SDK1: variants seen among roughly 807,000 people sequenced by gnomAD.
The protein encoded by SDK1 is protein sidekick-1.
A neutral mutation model predicts 245.5 loss-of-function variants in SDK1; 157 were observed. The ratio of observed to expected loss-of-function variants is 0.64; its 90% CI spans 0.56 to 0.73. The LOEUF is 0.73. SDK1 is among the 30% of genes least tolerant of loss of function. The pLI is 0.00. For synonymous variants in SDK1, 1,647 were observed against 1,278.5 expected, an observed-to-expected ratio of 1.29 and a Z score of -6.15; for missense variants, 3,583 against 3,002.3, an observed-to-expected ratio of 1.19 and a Z score of -4.52.
chr7:3,302,070 C>T (rs569861635), intron 1 of SDK1, among the ~76,000 whole-genome samples, 186 bp downstream of exon 1: 40 of 152,024 alleles, frequency 2.6e-4, no homozygotes, highest in African/African-American at 8.4e-4. Flanking sequence ...AACGGAGCCC[C>T]GTAGAGCCTG....
chr7:3,488,904 C>CAT (rs145829568), intron 1 of SDK1, among the ~76,000 whole-genome samples: 6 of 147,118 alleles, frequency 4.1e-5, no homozygotes, highest in Admixed American at 6.8e-5. Flanking sequence ...TTCCTCCCTC[C>CAT]GTGTGTGTGT....
intron 4 of SDK1, among the ~76,000 whole-genome samples, chr7:3,753,521 G>C (rs781710948): frequency 6.6e-6 from 1 of 152,210 alleles, no homozygotes; most frequent in Non-Finnish European, 1.5e-5. Flanking sequence ...CACTCAGCCA[G>C]GTTGCAGTCA....
At position 3,474,104 on chromosome 7, in the gene SDK1, TTTTTTTTTTTTTTTTTTTG is replaced by T. The variant is rs1267342933; in HGVS notation, c.299-144975_299-144957del. ...CTACCAGATGGTGTTTTTTTTTTTTTTTTTTTTTTTTTTTTTTTGAGACCGTGTCTCTCTGTTGCCCAGG... is the reference window on the plus strand; with the variant it reads ...CTACCAGATGGTGTTTTTTTTTTTTTAGACCGTGTCTCTCTGTTGCCCAGG... On this transcript the variant is annotated intron_variant, in intron 1 of 44. Coordinates refer to ENST00000404826, the MANE Select transcript of SDK1 (RefSeq NM_152744.4). Among the ~76,000 whole-genome samples the T allele has an allele frequency of 1.1e-4, 14 of 131,844 alleles. No homozygotes were observed. In the East Asian group the frequency reaches 2.6e-3, roughly 25 times the overall value. The allele number at this position is 131,844 out of a possible 152,430, so 86.5% of individuals were successfully genotyped here.
At chr7:3,989,244 A>G (rs1235226171) in intron 14 of SDK1, among the ~76,000 whole-genome samples, 1 of 152,200 alleles carries the variant, frequency 6.6e-6, no homozygotes, top group Non-Finnish European at 1.5e-5. Flanking sequence ...GGTGAAAGTC[A>G]TGTCTCACAT....
chr7:3,907,058 C>T (rs1439829330), intron 5 of SDK1, among the ~76,000 whole-genome samples: 1 of 152,148 alleles, frequency 6.6e-6, no homozygotes, highest in Non-Finnish European at 1.5e-5. Context: ...GGAATAGGGT[C>T]TGAGCCAGTG....
chr7:3,897,532 CCTT>C (rs1781643913), intron 5 of SDK1, among the ~76,000 whole-genome samples: 1 of 152,134 alleles, frequency 6.6e-6, no homozygotes, highest in African/African-American at 2.4e-5. Flanking sequence ...GTTGGAATTT[CCTT>C]CTTTTTTAAG....
chr7:3,401,220 A>G (rs997644314), intron 1 of SDK1, among the ~76,000 whole-genome samples: 7 of 152,220 alleles, frequency 4.6e-5, no homozygotes, highest in Non-Finnish European at 7.3e-5. Context: ...GAGGTCTTCT[A>G]GAATAATCAC....
intron 4 of SDK1, among the ~76,000 whole-genome samples, chr7:3,742,299 C>G (rs146962334): frequency 5.9e-5 from 9 of 151,922 alleles, no homozygotes; most frequent in Non-Finnish European, 1.2e-4. Flanking sequence ...GAGCTGAAAA[C>G]AGTTAAGAAA....
At position 4,129,494 on chromosome 7, in the gene SDK1, C is replaced by T. The variant is rs1784644723; in HGVS notation, c.3940-414C>T. ...GAGCTCCCGGTCTGTGTGAGGACAG[C>T]AGGTCTTCTGGGGCAGGAAACCAGC... On this transcript the variant is annotated intron_variant, in intron 26 of 44. Transcript: ENST00000404826. 2.0e-5 allele frequency among the ~76,000 whole-genome samples: 3 copies of T among 152,218 alleles called. No individual in the cohort carries two copies. In the South Asian group the frequency reaches 6.2e-4, roughly 32 times the overall value.
At chr7:3,788,268 A>G (rs55865143) in intron 4 of SDK1, among the ~76,000 whole-genome samples, 39,370 of 152,072 alleles carry the variant, frequency 0.26, 5,402 homozygotes, top group Middle Eastern at 0.39. Context: ...CGCTTGTCAG[A>G]ACAGCAGAAA....
chr7:3,323,007 GC>G (rs1445738249), intron 1 of SDK1, among the ~76,000 whole-genome samples: 3 of 151,998 alleles, frequency 2.0e-5, no homozygotes, highest in Non-Finnish European at 4.4e-5. Flanking sequence ...TTGCCATGTT[GC>G]CGAGGCTCGT....
intron 1 of SDK1, among the ~76,000 whole-genome samples, chr7:3,481,447 C>T (rs1432671278): frequency 6.6e-6 from 1 of 152,276 alleles, no homozygotes; most frequent in East Asian, 1.9e-4. Flanking sequence ...CTAGATATGC[C>T]CTCTACACGC....
chr7:3,479,421 C>CAAA (rs56094646), intron 1 of SDK1, among the ~76,000 whole-genome samples: 24 of 66,552 alleles, frequency 3.6e-4, no homozygotes, highest in African/African-American at 4.5e-4. Flanking sequence ...GACTGTGTCT[C>CAAA]AAAAAAAAAA....
At chr7:3,667,839 A>C (rs1245000527) in intron 4 of SDK1, among the ~76,000 whole-genome samples, 2 of 152,162 alleles carry the variant, frequency 1.3e-5, no homozygotes, top group Admixed American at 6.5e-5. Context: ...TTGTTATTCT[A>C]TTCCCCAGTT....
chr7:3,652,262 T>G (rs1321420244), intron 4 of SDK1, among the ~76,000 whole-genome samples: 1 of 152,180 alleles, frequency 6.6e-6, no homozygotes, highest in Non-Finnish European at 1.5e-5. Flanking sequence ...TCCCAGCTAT[T>G]ATTTATGTAT....
At position 4,149,424 on chromosome 7, in the gene SDK1, C is replaced by G. The variant is rs369934316; in HGVS notation, c.4586C>G (p.Ser1529Trp). 8 of 1,568,684 alleles carry G rather than the reference C, an allele frequency of 5.1e-6. No individual in the cohort carries two copies. In the African/African-American group the frequency reaches 1.1e-4, roughly 21 times the overall value. The part of the protein sequence containing the change: ...LPRGEWQTYS[S>W]SISHEATACV... ...CGGGGTGAGTGGCAGACCTACTCCT[C>G]GTCCATCAGCCATGAGGCGACAGCA... is the stretch of plus-strand genomic sequence containing the variant. The change falls in exon 30 of 45, where the codon TCG becomes TGG. Residue 1529 changes from serine to tryptophan, a missense_variant. Physicochemically the swap from Ser to Trp is radical, Grantham distance 177 (BLOSUM62 -3). Transcript: ENST00000404826.
At chr7:3,585,580 T>C (rs543240135) in intron 1 of SDK1, among the ~76,000 whole-genome samples, 17 of 151,846 alleles carry the variant, frequency 1.1e-4, no homozygotes, top group Non-Finnish European at 2.2e-4. Flanking sequence ...AGGAAGAGGG[T>C]CATGAAGAAG....
At chr7:3,315,998 G>C (rs1023386112) in intron 1 of SDK1, among the ~76,000 whole-genome samples, 1 of 152,116 alleles carries the variant, frequency 6.6e-6, no homozygotes, top group African/African-American at 2.4e-5. Context: ...TTTCTGGTTA[G>C]TGCTGTTTAA....
At chr7:3,522,475 G>A (rs1255770627) in intron 1 of SDK1, among the ~76,000 whole-genome samples, 1 of 152,042 alleles carries the variant, frequency 6.6e-6, no homozygotes, top group Non-Finnish European at 1.5e-5. Context: ...TCACGTACAT[G>A]GCATAAAATA....
Sources: gnomAD v4.1 joint callset for allele counts (sites outside exome capture counted in the v4.1 genomes callset) on GRCh38, gnomAD v4.1.1 for gene constraint, MANE v1.5 for transcripts, NCBI Gene and HGNC (gene_info 2026-07-23, HGNC 2026-07-21) for gene names.